Variants in CALN1 observed in about 807,000 individuals in gnomAD.
CALN1 encodes calneuron 1, also known as calcium-binding protein 8.
A neutral mutation model predicts 30.6 loss-of-function variants in CALN1; 17 were observed. That is an observed-to-expected ratio of 0.56 (90% CI 0.38 to 0.83). The LOEUF (loss-of-function observed/expected upper bound fraction) is 0.83, where lower values mean the gene tolerates loss of function less well. Among genes scored for constraint, CALN1 ranks in the 40% least tolerant of loss-of-function variants. The probability of loss-of-function intolerance (pLI) is 0.00; values close to 1 mark genes in which losing one functional copy is unlikely to be tolerated. For missense variants in CALN1, 291 were observed against 354.9 expected (o/e 0.82, Z 1.45); for synonymous variants, 156 against 131.4 (o/e 1.19, Z -1.28).
At chr7:72,097,098 G>C (rs920874544) in intron 4 of CALN1, among the ~76,000 whole-genome samples, 1 of 151,606 alleles carries the variant, frequency 6.6e-6, no homozygotes, top group Non-Finnish European at 1.5e-5. Context: ...TCATAGGTGG[G>C]AATTGAACAA....
intron 4 of CALN1, among the ~76,000 whole-genome samples, chr7:72,026,473 C>T (rs975188973): frequency 1.3e-5 from 2 of 151,998 alleles, no homozygotes; most frequent in Non-Finnish European, 2.9e-5. Context: ...GTAATCCCAG[C>T]GATTCGGGAG....
intron 3 of CALN1, among the ~76,000 whole-genome samples, chr7:72,161,934 G>GA (rs972715848): frequency 6.6e-6 from 1 of 151,476 alleles, no homozygotes; most frequent in African/African-American, 2.4e-5. Flanking sequence ...AACAAAAAAA[G>GA]AAAAAAAGTT....
rs1283354936 is a variant in CALN1, at chr7:72,058,675, G to A, written c.389-34906C>T. 1.3e-5 allele frequency among the ~76,000 whole-genome samples: 2 copies of A among 152,246 alleles called. 1 individual carries two copies. Among genetic ancestry groups the A allele is most frequent in the South Asian group, 4.2e-4 (2 of 4,816 alleles). On this transcript the variant is annotated intron_variant, in intron 4 of 6. Coordinates refer to ENST00000395275, the MANE Select transcript of CALN1 (RefSeq NM_031468.4). ...AGTGTCTGTCCACACCCTGGGCAGA[G>A]GGCCAAGGGGGCAGGACTTTGGAAG...
At chr7:72,149,233 A>C (rs1004126595) in intron 3 of CALN1, among the ~76,000 whole-genome samples, 2 of 152,106 alleles carry the variant, frequency 1.3e-5, no homozygotes, top group African/African-American at 4.8e-5. Context: ...TGGGAGACCG[A>C]GGCGGGTGGA....
intron 5 of CALN1, among the ~76,000 whole-genome samples, chr7:71,882,135 C>T (rs1475167210): frequency 6.6e-6 from 1 of 152,122 alleles, no homozygotes; most frequent in East Asian, 1.9e-4. Flanking sequence ...CTTCTGGAAG[C>T]TCTAAGGCAG....
chr7:71,831,864 C>A, intron 5 of CALN1, among the ~76,000 whole-genome samples: 2 of 109,858 alleles, frequency 1.8e-5, no homozygotes, highest in Non-Finnish European at 3.6e-5. Flanking sequence ...GGAGTGAAAC[C>A]CTGCCTCAAA....
intron 2 of CALN1, chr7:72,336,736 G>A (rs1276090565): frequency 6.1e-6 from 6 of 985,266 alleles, no homozygotes; most frequent in Admixed American, 6.1e-5. Context: ...CAGCCCGGCA[G>A]CCGAGGCGCC....
intron 3 of CALN1, among the ~76,000 whole-genome samples, chr7:72,215,189 A>G (rs1792694120): frequency 6.6e-6 from 1 of 152,172 alleles, no homozygotes; most frequent in Admixed American, 6.5e-5. Flanking sequence ...TCAATGCATG[A>G]CTGAAGATGA....
intron 5 of CALN1, among the ~76,000 whole-genome samples, chr7:71,847,768 A>AG (rs1790376700): frequency 7.7e-6 from 1 of 130,326 alleles, no homozygotes; most frequent in Non-Finnish European, 1.7e-5. Flanking sequence ...AAGAAGAAGA[A>AG]GAAGAAAGAA....
intron 4 of CALN1, among the ~76,000 whole-genome samples, chr7:72,049,492 T>C (rs1285906529): frequency 6.6e-6 from 1 of 152,140 alleles, no homozygotes; most frequent in Non-Finnish European, 1.5e-5. Flanking sequence ...CTATTTTACT[T>C]ATGATAGCAA....
intron 3 of CALN1, among the ~76,000 whole-genome samples, chr7:72,212,586 G>C (rs1792493184): frequency 1.3e-5 from 2 of 150,522 alleles, no homozygotes; most frequent in Admixed American, 1.3e-4. Context: ...TTAGGAGGCT[G>C]ACAGGATTGC....
intron 4 of CALN1, among the ~76,000 whole-genome samples, chr7:72,100,821 C>CAAAAAAAAAA (rs35514026): frequency 1.4e-5 from 1 of 73,086 alleles, no homozygotes; most frequent in Non-Finnish European, 2.6e-5. Context: ...CTCCGTCTCA[C>CAAAAAAAAAA]AAAAAAAAAA....
At chr7:72,066,697 T>C (rs1804044369) in intron 4 of CALN1, among the ~76,000 whole-genome samples, 1 of 151,914 alleles carries the variant, frequency 6.6e-6, no homozygotes, top group Non-Finnish European at 1.5e-5. Flanking sequence ...ACTGCAGCCT[T>C]GAACTCCTTG....
intron 4 of CALN1, among the ~76,000 whole-genome samples, chr7:72,042,237 A>T (rs1156369316): frequency 1.3e-5 from 2 of 152,244 alleles, no homozygotes; most frequent in East Asian, 1.9e-4. Context: ...AACCCCCAAG[A>T]CCCATTACCA....
chr7:72,151,367 C>T (rs534931289), intron 3 of CALN1, among the ~76,000 whole-genome samples: 21 of 152,192 alleles, frequency 1.4e-4, no homozygotes, highest in Non-Finnish European at 2.5e-4. Flanking sequence ...TCCCAATTTC[C>T]CCTTTTATAA....
intron 5 of CALN1, among the ~76,000 whole-genome samples, chr7:71,996,093 T>G (rs1056311041): frequency 6.6e-6 from 1 of 152,136 alleles, no homozygotes; most frequent in Non-Finnish European, 1.5e-5. Context: ...ATAAAGGCAC[T>G]GCAAACAAGT....
At chr7:71,827,534 G>T (rs1019519840) in intron 5 of CALN1, among the ~76,000 whole-genome samples, 1 of 152,140 alleles carries the variant, frequency 6.6e-6, no homozygotes, top group Non-Finnish European at 1.5e-5. Flanking sequence ...ATTTGGGGAG[G>T]CCGAGGTGGG....
chr7:72,410,355 A>G (rs954787382), intron 1 of CALN1, among the ~76,000 whole-genome samples: 1 of 152,174 alleles, frequency 6.6e-6, no homozygotes, highest in Non-Finnish European at 1.5e-5. Context: ...AAGCACAAAA[A>G]AGAAATCTAA....
chr7:71,881,580 C>T (rs908133129), intron 5 of CALN1, among the ~76,000 whole-genome samples: 1 of 152,104 alleles, frequency 6.6e-6, no homozygotes, highest in Non-Finnish European at 1.5e-5. Context: ...CAAATTGGAT[C>T]ACAGTTGTCC....
Sources: gnomAD v4.1 joint callset for allele counts (sites outside exome capture counted in the v4.1 genomes callset) on GRCh38, gnomAD v4.1.1 for gene constraint, MANE v1.5 for transcripts, NCBI Gene and HGNC (gene_info 2026-07-23, HGNC 2026-07-21) for gene names.